The following DOCK1 variants were observed in gnomAD, a reference collection of about 807,000 sequenced individuals.
DOCK1 encodes dedicator of cytokinesis 1.
DOCK1 carries 138 observed loss-of-function variants against 262.7 expected under a neutral mutation model. The observed-to-expected ratio is 0.53, with a 90% CI of 0.46 to 0.61. DOCK1 has a LOEUF of 0.61. DOCK1 is among the 20% of genes least tolerant of loss of function. The pLI is 0.00. For synonymous variants in DOCK1, 866 were observed against 867.4 expected, an observed-to-expected ratio of 1.00 and a Z score of 0.03; for missense variants, 1,908 against 2,370.7, an observed-to-expected ratio of 0.80 and a Z score of 4.05.
At chr10:127,359,808 T>C (rs2064323725) in intron 32 of DOCK1, among the ~76,000 whole-genome samples, 1 of 151,942 alleles carries the variant, frequency 6.6e-6, no homozygotes, top group Non-Finnish European at 1.5e-5. Flanking sequence ...ATGATTCTCT[T>C]TACAGAAATG....
chr10:127,065,632 A>G (rs1022414106), intron 23 of DOCK1, among the ~76,000 whole-genome samples: 4 of 152,072 alleles, frequency 2.6e-5, no homozygotes, highest in Admixed American at 1.3e-4. Context: ...CCACCATGCT[A>G]CCGAAACCTC....
intron 27 of DOCK1, among the ~76,000 whole-genome samples, chr10:127,218,039 C>G (rs975616256): frequency 4.0e-5 from 6 of 151,806 alleles, no homozygotes; most frequent in African/African-American, 9.7e-5. Context: ...GTTTTCCATT[C>G]TATTCTGCTG....
chr10:126,908,225 C>T (rs896607207), intron 1 of DOCK1, among the ~76,000 whole-genome samples: 20 of 152,218 alleles, frequency 1.3e-4, no homozygotes, highest in African/African-American at 4.8e-4. Context: ...GTGGTTCTCA[C>T]GAAGGATGCT....
chr10:126,933,186 C>T (rs1044738412), intron 1 of DOCK1, among the ~76,000 whole-genome samples: 8 of 152,144 alleles, frequency 5.3e-5, no homozygotes, highest in South Asian at 4.1e-4. Flanking sequence ...CTTGTGGGTG[C>T]GTTGAGGTGA....
At chr10:127,079,584 C>T (rs1412073708) in intron 23 of DOCK1, among the ~76,000 whole-genome samples, 1 of 152,144 alleles carries the variant, frequency 6.6e-6, no homozygotes, top group Non-Finnish European at 1.5e-5. Flanking sequence ...AAGTGTTGTT[C>T]CTTTGTCTTT....
intron 25 of DOCK1, among the ~76,000 whole-genome samples, chr10:127,113,725 G>A (rs762589088): frequency 2.0e-4 from 31 of 152,146 alleles, no homozygotes; most frequent in Non-Finnish European, 3.8e-4. Context: ...AGACAGCTCT[G>A]TGTGGTCCAG....
intron 16 of DOCK1, among the ~76,000 whole-genome samples, chr10:127,027,409 C>G (rs1244281578): frequency 6.6e-6 from 1 of 152,150 alleles, no homozygotes; most frequent in Admixed American, 6.5e-5. Context: ...GCTTGGGCAA[C>G]ACAGTGAGAC....
chr10:126,935,807 TA>T (rs2034524755), intron 1 of DOCK1, among the ~76,000 whole-genome samples: 1 of 152,216 alleles, frequency 6.6e-6, no homozygotes, highest in African/African-American at 2.4e-5. Flanking sequence ...TCCATGAGGA[TA>T]AGGGCAGCAT....
At chr10:127,165,317 T>C (rs1321135533) in intron 27 of DOCK1, among the ~76,000 whole-genome samples, 2 of 152,316 alleles carry the variant, frequency 1.3e-5, no homozygotes, top group East Asian at 3.9e-4. Flanking sequence ...AAGCCTGACC[T>C]TGCATTTGCT....
chr10:127,347,832 G>GCCTTCCCTCCCCTTCCCTTC (rs2063704649), intron 31 of DOCK1, among the ~76,000 whole-genome samples: 1 of 57,524 alleles, frequency 1.7e-5, no homozygotes, highest in Non-Finnish European at 3.2e-5. Flanking sequence ...CAACCCCTCA[G>GCCTTCCCTCCCCTTCCCTTC]CCTTCCCTTC....
At chr10:127,197,644 G>C (rs761671354) in intron 27 of DOCK1, among the ~76,000 whole-genome samples, 24 of 152,120 alleles carry the variant, frequency 1.6e-4, no homozygotes, top group Non-Finnish European at 2.8e-4. Context: ...AGGACAAATG[G>C]AAAGTCCCTT....
intron 38 of DOCK1, among the ~76,000 whole-genome samples, chr10:127,399,441 A>G (rs1285071922): frequency 2.6e-5 from 4 of 152,192 alleles, no homozygotes; most frequent in Admixed American, 2.6e-4. Flanking sequence ...TTAAAAGTAG[A>G]TGAAAATCTC....
At chr10:127,052,628 T>A in intron 21 of DOCK1, 53 bp from the exon 22 acceptor site, 2 of 1,612,598 alleles carry the variant, frequency 1.2e-6, no homozygotes, top group Non-Finnish European at 1.7e-6. Context: ...CAGTTAAGAT[T>A]TGAGATATTT....
intron 1 of DOCK1, among the ~76,000 whole-genome samples, chr10:126,938,137 C>A: frequency 6.6e-6 from 1 of 152,100 alleles, no homozygotes; most frequent in South Asian, 2.1e-4. Flanking sequence ...ACCTCTGCCT[C>A]CTGGGTTCAA....
At chr10:127,322,450 A>G (rs2062577265) in intron 29 of DOCK1, among the ~76,000 whole-genome samples, 2 of 152,070 alleles carry the variant, frequency 1.3e-5, no homozygotes, top group South Asian at 2.1e-4. Context: ...TCAGCCTCCC[A>G]AAGTGCTGGA....
chr10:126,931,247 A>AG (rs1171743279), intron 1 of DOCK1, among the ~76,000 whole-genome samples: 1 of 152,128 alleles, frequency 6.6e-6, no homozygotes, highest in Non-Finnish European at 1.5e-5. Flanking sequence ...GATAGAAGCC[A>AG]GGGGGAGAAG....
intron 46 of DOCK1, 68 bp downstream of exon 46, chr10:127,419,817 C>A: frequency 6.7e-7 from 1 of 1,486,004 alleles, no homozygotes; most frequent in Non-Finnish European, 9.1e-7. Context: ...AGGCTCAGCA[C>A]ACACACCAGC....
At chr10:127,393,901 C>T (rs1242447687) in intron 38 of DOCK1, among the ~76,000 whole-genome samples, 1 of 151,968 alleles carries the variant, frequency 6.6e-6, no homozygotes, top group Non-Finnish European at 1.5e-5. Context: ...CTAATAATGA[C>T]TCCTTGCTCT....
chr10:127,368,765 G>T (rs1193419895), intron 33 of DOCK1, among the ~76,000 whole-genome samples: 2 of 151,986 alleles, frequency 1.3e-5, no homozygotes, highest in African/African-American at 4.8e-5. Flanking sequence ...CGCACTCCAA[G>T]TCTCACCCTC....
Sources: gnomAD v4.1 joint callset for allele counts (sites outside exome capture counted in the v4.1 genomes callset) on GRCh38, gnomAD v4.1.1 for gene constraint, MANE v1.5 for transcripts, NCBI Gene and HGNC (gene_info 2026-07-23, HGNC 2026-07-21) for gene names.